The following SNTG1 variants were observed in gnomAD, a reference collection of about 807,000 sequenced individuals.
The protein encoded by SNTG1 is syntrophin gamma 1.
In SNTG1, 39 loss-of-function variants were observed where a neutral mutation model predicts 74.7. The observed-to-expected ratio is 0.52, with a 90% CI of 0.40 to 0.68. The LOEUF (loss-of-function observed/expected upper bound fraction) is 0.68. Ranked by LOEUF, SNTG1 falls within the 30% of genes least tolerant of loss-of-function variation. SNTG1 has a pLI of 0.00. For synonymous variants in SNTG1, 254 were observed against 217.1 expected (o/e 1.17, Z -1.49); for missense variants, 685 against 609.5 (o/e 1.12, Z -1.30).
chr8:50,394,764 A>G (rs185795023), intron 3 of SNTG1, among the ~76,000 whole-genome samples: 126 of 152,208 alleles, frequency 8.3e-4, no homozygotes, highest in African/African-American at 3.0e-3. Flanking sequence ...GATGATAAAC[A>G]GTGTTCAAGT....
intron 2 of SNTG1, among the ~76,000 whole-genome samples, chr8:50,364,390 G>A (rs2092048132): frequency 6.6e-6 from 1 of 152,180 alleles, no homozygotes; most frequent in South Asian, 2.1e-4. Context: ...CTGGGACTAA[G>A]ACCAAATACG....
intron 13 of SNTG1, among the ~76,000 whole-genome samples, chr8:50,624,757 A>G (rs778690742): frequency 1.8e-4 from 28 of 152,092 alleles, no homozygotes; most frequent in Non-Finnish European, 3.5e-4. Flanking sequence ...TAACTCCATT[A>G]TTTGTAGGTT....
chr8:50,600,072 G>T, intron 13 of SNTG1, among the ~76,000 whole-genome samples: 1 of 152,064 alleles, frequency 6.6e-6, no homozygotes. Context: ...TATGGTTGTT[G>T]TTCCTCATTC....
At chr8:50,317,938 G>C (rs113003570) in intron 2 of SNTG1, among the ~76,000 whole-genome samples, 208 of 152,212 alleles carry the variant, frequency 1.4e-3, no homozygotes, top group Non-Finnish European at 2.4e-3. Flanking sequence ...CCGGGTTCAC[G>C]CCATTCTCCT....
At chr8:50,382,823 T>A (rs1210286068) in intron 2 of SNTG1, among the ~76,000 whole-genome samples, 1 of 152,168 alleles carries the variant, frequency 6.6e-6, no homozygotes, top group Non-Finnish European at 1.5e-5. Context: ...TTAAAGAAAT[T>A]GGCTCATGCA....
chr8:49,919,752 T>C (rs1806365856), intron 1 of SNTG1, among the ~76,000 whole-genome samples: 1 of 152,116 alleles, frequency 6.6e-6, no homozygotes, highest in Non-Finnish European at 1.5e-5. Context: ...ATTTGGTGAC[T>C]TTTTTCAGTA....
chr8:50,662,181 A>G (rs950764884), intron 15 of SNTG1, among the ~76,000 whole-genome samples: 9 of 152,132 alleles, frequency 5.9e-5, no homozygotes, highest in African/African-American at 2.2e-4. Context: ...ATCACTTCTG[A>G]TGCAAGCTGT....
At chr8:50,318,321 T>G (rs1035912266) in intron 2 of SNTG1, among the ~76,000 whole-genome samples, 17 of 152,196 alleles carry the variant, frequency 1.1e-4, no homozygotes, top group African/African-American at 3.9e-4. Context: ...GTGGAAAGCA[T>G]TGGATACAAT....
intron 13 of SNTG1, among the ~76,000 whole-genome samples, chr8:50,640,320 T>A (rs2095064760): frequency 1.3e-5 from 2 of 152,168 alleles, no homozygotes; most frequent in Non-Finnish European, 2.9e-5. Context: ...AATAACAAGG[T>A]CAGTCATCTA....
intron 17 of SNTG1, among the ~76,000 whole-genome samples, chr8:50,735,975 T>G (rs2095527582): frequency 1.3e-5 from 2 of 152,072 alleles, no homozygotes; most frequent in African/African-American, 4.8e-5. Context: ...TTTAACATTC[T>G]TAAAGAAAAG....
At chr8:50,492,980 G>C (rs1474373742) in intron 8 of SNTG1, among the ~76,000 whole-genome samples, 1 of 152,052 alleles carries the variant, frequency 6.6e-6, no homozygotes, top group African/African-American at 2.4e-5. Flanking sequence ...TAGACCAATG[G>C]AACAGAACGG....
At chr8:49,958,546 A>T (rs1459153833) in intron 1 of SNTG1, among the ~76,000 whole-genome samples, 1 of 151,620 alleles carries the variant, frequency 6.6e-6, no homozygotes, top group Non-Finnish European at 1.5e-5. Flanking sequence ...TCAGCCTCCC[A>T]AGTAGCTGGG....
chr8:50,399,585 G>A (rs2092774186), intron 3 of SNTG1, among the ~76,000 whole-genome samples: 1 of 152,014 alleles, frequency 6.6e-6, no homozygotes, highest in Non-Finnish European at 1.5e-5. Context: ...TTACACTTCT[G>A]GGTGAAAAAA....
At chr8:50,335,334 A>T (rs952231329) in intron 2 of SNTG1, among the ~76,000 whole-genome samples, 6 of 152,204 alleles carry the variant, frequency 3.9e-5, no homozygotes, top group Admixed American at 3.9e-4. Context: ...AACAGCATCC[A>T]CTGCTTTGCT....
At chr8:50,243,153 T>C (rs1197252850) in intron 2 of SNTG1, among the ~76,000 whole-genome samples, 1 of 132,950 alleles carries the variant, frequency 7.5e-6, no homozygotes, top group East Asian at 2.3e-4. Flanking sequence ...ATGGTATATG[T>C]TCAGATAAAT....
At chr8:50,277,720 C>T (rs925509912) in intron 2 of SNTG1, among the ~76,000 whole-genome samples, 2 of 152,124 alleles carry the variant, frequency 1.3e-5, no homozygotes, top group Non-Finnish European at 2.9e-5. Context: ...AAATCATAAC[C>T]TTTTCTGAGA....
rs117398248 is a variant in SNTG1, at chr8:50,312,920, G to T, written c.-27-81292G>T. ...GAGGAATTTAAAGTTTAACAATCATGTGCAGTCAGATGCCCTATGTTTGTG... is the reference window on the plus strand; with the variant it reads ...GAGGAATTTAAAGTTTAACAATCATTTGCAGTCAGATGCCCTATGTTTGTG... On this transcript the variant is annotated intron_variant, in intron 2 of 18. Coordinates refer to ENST00000642720, the MANE Select transcript of SNTG1 (RefSeq NM_018967.5). Among the ~76,000 whole-genome samples, 264 of 150,144 alleles carry T rather than the reference G, an allele frequency of 1.8e-3. 2 individuals are homozygous for T. The highest frequency in any genetic ancestry group is 3.2e-3 in the Non-Finnish European group (220 of 67,966).
At chr8:50,280,155 C>T (rs907529269) in intron 2 of SNTG1, among the ~76,000 whole-genome samples, 1 of 152,148 alleles carries the variant, frequency 6.6e-6, no homozygotes, top group Non-Finnish European at 1.5e-5. Flanking sequence ...AGGCGTGAGC[C>T]CTCTCATTTT....
intron 1 of SNTG1, among the ~76,000 whole-genome samples, chr8:49,966,791 A>T (rs1452226929): frequency 6.6e-6 from 1 of 152,180 alleles, no homozygotes; most frequent in East Asian, 1.9e-4. Context: ...TGTAACCAAG[A>T]ATGGGTATGA....
Sources: allele counts gnomAD v4.1 joint callset (sites outside exome capture counted in the v4.1 genomes callset), GRCh38; gene constraint gnomAD v4.1.1; transcripts MANE v1.5; gene names NCBI Gene and HGNC (gene_info 2026-07-23, HGNC 2026-07-21).